CCDC57: variants seen among roughly 807,000 people sequenced by gnomAD.
The protein encoded by CCDC57 is coiled-coil domain-containing protein 57.
A neutral mutation model predicts 118.9 loss-of-function variants in CCDC57; 118 were observed. The ratio of observed to expected loss-of-function variants is 0.99; its 90% CI spans 0.86 to 1.16. The LOEUF (loss-of-function observed/expected upper bound fraction) is 1.16. Among genes scored for constraint, CCDC57 ranks in the 50% most tolerant of loss-of-function variants. The pLI is 0.00. For synonymous variants in CCDC57, 527 were observed against 532.9 expected (o/e 0.99, Z 0.15); for missense variants, 1,300 against 1,320.7 (o/e 0.98, Z 0.24).
At chr17:82,135,862 T>A (rs566624848) in intron 16 of CCDC57, among the ~76,000 whole-genome samples, 1 of 152,250 alleles carries the variant, frequency 6.6e-6, no homozygotes, top group East Asian at 1.9e-4. Flanking sequence ...TGTTGGATAC[T>A]GGCGTGGGCA....
chr17:82,104,204 G>A (rs1332516405), intron 19 of CCDC57, among the ~76,000 whole-genome samples: 5 of 152,348 alleles, frequency 3.3e-5, no homozygotes, highest in Middle Eastern at 3.4e-3. Flanking sequence ...CTGTTTTGCC[G>A]AGCCTGGCCG....
At chr17:82,210,517 CA>C (rs763608451) in intron 1 of CCDC57, among the ~76,000 whole-genome samples, 1,699 of 129,964 alleles carry the variant, frequency 0.013, 17 homozygotes, top group African/African-American at 0.038. Flanking sequence ...ACTAAAAATA[CA>C]AAAAAAAAAA....
At chr17:82,184,854 A>G (rs2046741341) in intron 8 of CCDC57, 1 of 152,354 alleles carries the variant, frequency 6.6e-6, no homozygotes, top group African/African-American at 2.4e-5. Flanking sequence ...AGACACCATC[A>G]AAGGCATCAA....
rs1393690193 is a variant in CCDC57 at position 82,183,725 on chromosome 17, C to A, written c.1211+49G>T. 3.3e-6 allele frequency: 5 copies of A among 1,524,038 alleles called. No homozygotes were observed. In the Admixed American group the frequency reaches 1.0e-4, roughly 31 times the overall value. 94.4% of individuals were successfully genotyped at this position (1,524,038 alleles called of 1,614,324 possible). On this transcript the variant is annotated intron_variant, in intron 9 of 19. Coordinates refer to ENST00000665763, the Ensembl canonical transcript of CCDC57. ...TGAATCCTTAGTACCTACAACAGCA[C>A]CTGCCCATAGGAGACCCTCAATGGA... is the stretch of plus-strand genomic sequence containing the variant.
At chr17:82,106,035 A>G (rs980712503) in intron 19 of CCDC57, among the ~76,000 whole-genome samples, 1 of 151,882 alleles carries the variant, frequency 6.6e-6, no homozygotes, top group Non-Finnish European at 1.5e-5. Context: ...TCATGCCAGC[A>G]CCTCCTCTGG....
At chr17:82,107,622 C>G (rs916698705) in intron 19 of CCDC57, 4 of 469,986 alleles carry the variant, frequency 8.5e-6, no homozygotes, top group African/African-American at 2.0e-5. Flanking sequence ...GAATGGGGCC[C>G]TGTTGTGACA....
intron 1 of CCDC57, among the ~76,000 whole-genome samples, chr17:82,210,477 G>C (rs1349377666): frequency 6.7e-6 from 1 of 150,092 alleles, no homozygotes; most frequent in Non-Finnish European, 1.5e-5. Flanking sequence ...TTCGAGACCA[G>C]CCTGACCAAC....
intron 5 of CCDC57, 93 bp downstream of exon 4, chr17:82,195,170 T>C (rs2146767464): frequency 1.1e-6 from 1 of 911,696 alleles, no homozygotes; most frequent in East Asian, 2.6e-5. Flanking sequence ...CTTGCCTTGG[T>C]CTCCCAAAGT....
chr17:82,177,755 G>A (rs547612619), intron 11 of CCDC57, among the ~76,000 whole-genome samples: 3 of 152,300 alleles, frequency 2.0e-5, no homozygotes, highest in Non-Finnish European at 2.9e-5. Flanking sequence ...GGACTCTTGG[G>A]TGGTCTTGTT....
intron 7 of CCDC57, among the ~76,000 whole-genome samples, chr17:82,189,952 G>C (rs1203871909): frequency 6.6e-6 from 1 of 152,152 alleles, no homozygotes; most frequent in Non-Finnish European, 1.5e-5. Flanking sequence ...GGAGGTTGCA[G>C]TGAGCCGAGA....
intron 9 of CCDC57, among the ~76,000 whole-genome samples, chr17:82,180,697 G>T (rs573349258): frequency 6.6e-6 from 1 of 152,106 alleles, no homozygotes; most frequent in South Asian, 2.1e-4. Flanking sequence ...GGATCGTCTC[G>T]ATCTCCTGAC....
At chr17:82,115,596 C>T (rs531697931) in intron 19 of CCDC57, among the ~76,000 whole-genome samples, 50 of 151,750 alleles carry the variant, frequency 3.3e-4, no homozygotes, top group Non-Finnish European at 3.5e-4. Flanking sequence ...CATAGTAAGA[C>T]CCTGTCTGTA....
At chr17:82,184,712 C>T (rs1383157644) in intron 8 of CCDC57, among the ~76,000 whole-genome samples, 5 of 152,204 alleles carry the variant, frequency 3.3e-5, no homozygotes, top group Admixed American at 1.3e-4. Flanking sequence ...TGGCTGCCCC[C>T]ACAGAGGCCA....
At chr17:82,207,509 C>T (rs1008021567) in intron 2 of CCDC57, 2 of 152,122 alleles carry the variant, frequency 1.3e-5, no homozygotes, top group African/African-American at 2.4e-5. Context: ...TCAGCTGGCA[C>T]CCCCGGATTG....
rs1395779449 is a variant in CCDC57, at chr17:82,118,045, G to A, written c.2899+9647C>T. On this transcript the variant is annotated intron_variant, in intron 19 of 19. Transcript: ENST00000665763. The surrounding 1 kb of genome is among the most constrained non-coding windows in gnomAD (Gnocchi z 4.7). ...ACAAAGGGAGGTGAGCCGATGCGGC[G>A]GCTCACAAAACTACCAGAAAGATCT... Among the ~76,000 whole-genome samples, 1 of 152,128 alleles carries A rather than the reference G, an allele frequency of 6.6e-6. No homozygotes were observed. Among genetic ancestry groups the A allele is most frequent in the Non-Finnish European group, 1.5e-5 (1 of 68,036 alleles).
intron 9 of CCDC57, among the ~76,000 whole-genome samples, chr17:82,183,039 G>A (rs964065218): frequency 6.6e-6 from 1 of 152,094 alleles, no homozygotes; most frequent in Non-Finnish European, 1.5e-5. Flanking sequence ...GCACAGCATC[G>A]GGGAAACCGC....
intron 17 of CCDC57, among the ~76,000 whole-genome samples, chr17:82,131,479 C>T (rs1465264064): frequency 4.0e-5 from 6 of 151,832 alleles, no homozygotes; most frequent in South Asian, 2.1e-4. Flanking sequence ...TGGTGGCTCA[C>T]GCCTGTAATC....
intron 19 of CCDC57, chr17:82,107,439 C>T (rs773607437): frequency 7.5e-5 from 35 of 469,394 alleles, no homozygotes; most frequent in African/African-American, 3.0e-4. Flanking sequence ...GGCGTCTCTG[C>T]GCCTCCGTTT....
At chr17:82,186,216 T>C (rs2046904007) in intron 8 of CCDC57, among the ~76,000 whole-genome samples, 1 of 152,220 alleles carries the variant, frequency 6.6e-6, no homozygotes, top group South Asian at 2.1e-4. Context: ...CTTTAGAATG[T>C]AGAAGTCTGT....
Sources: gnomAD v4.1 joint callset for allele counts (sites outside exome capture counted in the v4.1 genomes callset) on GRCh38, gnomAD v4.1.1 for gene constraint, Gnocchi (gnomAD v3.1) non-coding constraint, MANE v1.5 for transcripts, NCBI Gene and HGNC (gene_info 2026-07-23, HGNC 2026-07-21) for gene names.